Variants in ELAPOR1 observed in about 807,000 individuals in gnomAD.
ELAPOR1 encodes endosome-lysosome associated apoptosis and autophagy regulator 1, also known as endosome/lysosome-associated apoptosis and autophagy regulator 1.
In ELAPOR1, 77 loss-of-function variants were observed where a neutral mutation model predicts 119.7. The ratio of observed to expected loss-of-function variants is 0.64; its 90% CI spans 0.54 to 0.78. ELAPOR1 has a LOEUF of 0.78. ELAPOR1 is among the 30% of genes least tolerant of loss of function. ELAPOR1 has a pLI of 0.00. For synonymous variants in ELAPOR1, 481 were observed against 487.2 expected, an observed-to-expected ratio of 0.99 and a Z score of 0.17; for missense variants, 1,115 against 1,270.4, an observed-to-expected ratio of 0.88 and a Z score of 1.86.
chr1:109,183,098 T>C (rs959570974), intron 7 of ELAPOR1, among the ~76,000 whole-genome samples: 4 of 152,184 alleles, frequency 2.6e-5, no homozygotes, highest in Middle Eastern at 3.2e-3. Flanking sequence ...TTTTTATTTG[T>C]ATGAATTACG....
intron 13 of ELAPOR1, 45 bp downstream of exon 13, chr1:109,191,908 A>T: frequency 6.2e-7 from 1 of 1,606,368 alleles, no homozygotes; most frequent in Non-Finnish European, 8.5e-7. Flanking sequence ...GACCCTCTGA[A>T]CCCAGGAGGA....
rs1653515833 is a variant in ELAPOR1 at position 109,192,654 on chromosome 1, A to G, written c.1727A>G (p.Asn576Ser). The part of the protein sequence containing the change: ...TNDVAKIYSI[N>S]VTNVMNGVAS... ...GACGTTGCCAAGATCTACTCCATCAATGTCACCAATGTTATGAATGGTGTG... is the reference window on the plus strand; with the variant it reads ...GACGTTGCCAAGATCTACTCCATCAGTGTCACCAATGTTATGAATGGTGTG... The change falls in exon 14 of 22, where the codon AAT becomes AGT. Residue 576 changes from asparagine (N) to serine (S), a missense_variant. Transcript: ENST00000369939. 1 of 1,614,070 alleles carries G rather than the reference A, an allele frequency of 6.2e-7. No homozygotes were observed.
chr1:109,171,219 T>C (rs1651902286), intron 3 of ELAPOR1, among the ~76,000 whole-genome samples: 1 of 152,132 alleles, frequency 6.6e-6, no homozygotes, highest in African/African-American at 2.4e-5. Context: ...AGCACGTAGT[T>C]CAATTCCTGG....
chr1:109,194,653 C>A, intron 15 of ELAPOR1, 59 bp downstream of exon 15: 1 of 1,517,598 alleles, frequency 6.6e-7, no homozygotes, highest in Non-Finnish European at 9.1e-7. Flanking sequence ...GGATCAGAAG[C>A]CAGAGACAGA....
intron 1 of ELAPOR1, among the ~76,000 whole-genome samples, chr1:109,160,727 C>A (rs114588540): frequency 0.012 from 1,802 of 152,304 alleles, 36 homozygotes; most frequent in African/African-American, 0.041. Flanking sequence ...CAAAATACCT[C>A]TGGGCTTGAA....
intron 14 of ELAPOR1, 70 bp downstream of exon 14, chr1:109,192,944 T>C: frequency 6.5e-7 from 1 of 1,542,104 alleles, no homozygotes; most frequent in South Asian, 1.2e-5. Context: ...TGCTGGGTCC[T>C]GGGTAGGGTT....
chr1:109,164,420 C>A, intron 2 of ELAPOR1, 79 bp from the exon 3 acceptor site: 1 of 1,312,244 alleles, frequency 7.6e-7, no homozygotes, highest in Non-Finnish European at 1.1e-6. Flanking sequence ...GCGCTCCTCC[C>A]TTCAGCTGCT....
At position 109,200,202 on chromosome 1, in the gene ELAPOR1, C is replaced by A; in HGVS notation, c.2772C>A (p.Thr924=). 3 of 1,614,160 alleles carry A rather than the reference C, an allele frequency of 1.9e-6. No homozygotes were observed. The highest frequency in any genetic ancestry group is 2.5e-6 in the Non-Finnish European group (3 of 1,180,032). ...SAGTCTAILL[T]VLTCYFWKKN... is the part of the protein sequence containing the mutation. ...GCACCTGTACTGCCATCCTGCTCAC[C>A]GTCTTGACCTGCTACTTTTGGAAAA... Residue 924 remains threonine, a synonymous_variant, in exon 20 of 22, where the codon ACC becomes ACA. Transcript: ENST00000369939.
At position 109,161,512 on chromosome 1, in the gene ELAPOR1, A is replaced by G. The variant is rs530730120; in HGVS notation, c.154-382A>G. 2.6e-5 allele frequency: 4 copies of G among 155,740 alleles called. No homozygotes were observed. The South Asian group carries it at 7.8e-4, about 30-fold the overall frequency. 9.6% of individuals were successfully genotyped at this position (155,740 alleles called of 1,614,324 possible). On this transcript the variant is annotated intron_variant, in intron 1 of 21. Transcript: ENST00000369939. ...TTTTTGTGGACTAAGGCTTCCATTT[A>G]GAACATCCTTCCATTTAGAATGTCC...
intron 3 of ELAPOR1, among the ~76,000 whole-genome samples, chr1:109,169,191 C>A (rs1651776286): frequency 6.6e-6 from 1 of 152,106 alleles, no homozygotes; most frequent in Non-Finnish European, 1.5e-5. Context: ...GTTATTCTGA[C>A]AAACACAGGG....
At position 109,118,659 on chromosome 1, in the gene ELAPOR1, G is replaced by A. The variant is rs572545504; in HGVS notation, c.153+4323G>A. Among the ~76,000 whole-genome samples the A allele has an allele frequency of 7.9e-4, 120 of 152,180 alleles. 3 individuals are homozygous for A. The South Asian group carries it at 0.024, about 31-fold the overall frequency. On this transcript the variant is annotated intron_variant, in intron 1 of 21. Transcript: ENST00000369939. ...TTTGGCAACTGATTGATGGTGTAGG[G>A]TGATGGTGACGGGCGGGTCAAGGAT... is the stretch of plus-strand genomic sequence containing the variant.
intron 7 of ELAPOR1, among the ~76,000 whole-genome samples, chr1:109,174,448 A>AAAAC (rs1652130850): frequency 7.3e-6 from 1 of 137,782 alleles, no homozygotes; most frequent in Non-Finnish European, 1.5e-5. Context: ...AAAAAAAAAA[A>AAAAC]TCATTCAATA....
intron 9 of ELAPOR1, 126 bp from the exon 10 acceptor site, chr1:109,188,940 C>T: frequency 9.9e-7 from 1 of 1,011,358 alleles, no homozygotes; most frequent in Non-Finnish European, 1.5e-6. Flanking sequence ...CTTCCTGCAG[C>T]AGTACTCAGC....
intron 8 of ELAPOR1, chr1:109,187,114 C>A: frequency 1.0e-6 from 1 of 985,496 alleles, no homozygotes; most frequent in Non-Finnish European, 1.2e-6. Context: ...AGGGACACAC[C>A]TCGAGCTGGC....
At chr1:109,171,619 T>C (rs962091520) in intron 3 of ELAPOR1, among the ~76,000 whole-genome samples, 5 of 152,098 alleles carry the variant, frequency 3.3e-5, no homozygotes, top group Non-Finnish European at 7.4e-5. Context: ...CTCTGCACAA[T>C]GTGGAGGCAT....
At chr1:109,136,460 T>C (rs1649474647) in intron 1 of ELAPOR1, among the ~76,000 whole-genome samples, 1 of 152,156 alleles carries the variant, frequency 6.6e-6, no homozygotes, top group Non-Finnish European at 1.5e-5. Context: ...ACACCTTGAT[T>C]TTGGGCTTCT....
intron 7 of ELAPOR1, among the ~76,000 whole-genome samples, chr1:109,178,317 T>C (rs1652478778): frequency 6.6e-6 from 1 of 151,554 alleles, no homozygotes; most frequent in Non-Finnish European, 1.5e-5. Context: ...GGCCAGTGAG[T>C]TTTTACTATG....
chr1:109,152,174 G>A lies in ELAPOR1; in HGVS notation c.154-9720G>A, dbSNP rs1400981029. ...CAGGCGTGAGCCACTGCGCCCCGCT[G>A]CTAATTTTGACATTCTCCCCGAAGA... On this transcript the variant is annotated intron_variant, in intron 1 of 21. Transcript: ENST00000369939. Among the ~76,000 whole-genome samples the A allele has an allele frequency of 4.6e-5, 7 of 152,258 alleles. 1 individual carries two copies. In the South Asian group the frequency reaches 1.2e-3, roughly 27 times the overall value.
At chr1:109,146,077 C>T (rs1022130382) in intron 1 of ELAPOR1, among the ~76,000 whole-genome samples, 2 of 152,058 alleles carry the variant, frequency 1.3e-5, no homozygotes, top group Non-Finnish European at 2.9e-5. Flanking sequence ...TGTGGGAAGC[C>T]GAGGCAGGTG....
Sources: allele counts gnomAD v4.1 joint callset (sites outside exome capture counted in the v4.1 genomes callset), GRCh38; gene constraint gnomAD v4.1.1; transcripts MANE v1.5; gene names NCBI Gene and HGNC (gene_info 2026-07-23, HGNC 2026-07-21).